Variants in MITF observed in about 807,000 individuals in gnomAD.
MITF encodes melanocyte inducing transcription factor.
Under a neutral mutation model 60.5 loss-of-function variants are expected in MITF, and 17 were observed. The observed-to-expected ratio is 0.28, with a 90% confidence interval of 0.19 to 0.42. The LOEUF is 0.42. MITF is among the 10% of genes least tolerant of loss of function. The probability of loss-of-function intolerance (pLI) is 1.00; values close to 1 mark genes in which losing one functional copy is unlikely to be tolerated. For synonymous variants in MITF, 260 were observed against 248.5 expected (o/e 1.05, Z -0.43); for missense variants, 622 against 683.5 (o/e 0.91, Z 1.00).
chr3:69,739,840 C>T (rs1433456249), intron 1 of MITF, 139 bp downstream of exon 1: 13 of 665,468 alleles, frequency 2.0e-5, no homozygotes, highest in Non-Finnish European at 3.2e-5. Flanking sequence ...GGGCGAACTG[C>T]CCCTCGCAGT....
intron 2 of MITF, among the ~76,000 whole-genome samples, chr3:69,912,207 G>A (rs1421604799): frequency 6.6e-6 from 1 of 152,164 alleles, no homozygotes; most frequent in African/African-American, 2.4e-5. Flanking sequence ...GTGCTATCTT[G>A]CAAAAGCATA....
intron 2 of MITF, among the ~76,000 whole-genome samples, chr3:69,900,154 C>T (rs1009608491): frequency 6.6e-6 from 1 of 152,040 alleles, no homozygotes; most frequent in Non-Finnish European, 1.5e-5. Context: ...ATGGTGGGCC[C>T]TATTGGGAGT....
chr3:69,940,279 G>A (rs935948327), intron 4 of MITF, among the ~76,000 whole-genome samples: 1 of 152,122 alleles, frequency 6.6e-6, no homozygotes, highest in Non-Finnish European at 1.5e-5. Context: ...TAATGGAAGT[G>A]GCAAGAGACA....
intron 1 of MITF, among the ~76,000 whole-genome samples, chr3:69,842,068 T>A (rs1178357665): frequency 6.6e-6 from 1 of 152,226 alleles, no homozygotes; most frequent in African/African-American, 2.4e-5. Flanking sequence ...AAATATGAAG[T>A]GAGCGGTGTC....
At chr3:69,832,279 T>A (rs891486187) in intron 1 of MITF, among the ~76,000 whole-genome samples, 3 of 152,158 alleles carry the variant, frequency 2.0e-5, no homozygotes, top group Admixed American at 2.0e-4. Flanking sequence ...AACATCTTTC[T>A]CTATCTCAAG....
chr3:69,903,793 T>C (rs2065042260), intron 2 of MITF, among the ~76,000 whole-genome samples: 1 of 152,152 alleles, frequency 6.6e-6, no homozygotes, highest in Non-Finnish European at 1.5e-5. Flanking sequence ...GGTGGGTGTT[T>C]GGGCAGCAAG....
chr3:69,896,003 C>G (rs976231600), intron 2 of MITF, among the ~76,000 whole-genome samples: 2 of 152,022 alleles, frequency 1.3e-5, no homozygotes, highest in Non-Finnish European at 2.9e-5. Context: ...CTTTCCTCCC[C>G]CTCTCTTTCT....
At chr3:69,842,458 C>T (rs940639035) in intron 1 of MITF, among the ~76,000 whole-genome samples, 2 of 152,202 alleles carry the variant, frequency 1.3e-5, no homozygotes, top group African/African-American at 2.4e-5. Flanking sequence ...AGAAGAGTTG[C>T]AGCTGGTGAG....
At chr3:69,941,022 C>T (rs1363834855) in intron 4 of MITF, among the ~76,000 whole-genome samples, 4 of 152,164 alleles carry the variant, frequency 2.6e-5, no homozygotes, top group African/African-American at 9.7e-5. Flanking sequence ...TAAATGCTGG[C>T]TACAAGTATT....
chr3:69,741,654 C>A (rs943004755), intron 1 of MITF, among the ~76,000 whole-genome samples: 7 of 152,140 alleles, frequency 4.6e-5, no homozygotes, highest in Non-Finnish European at 1.0e-4. Context: ...GGGCCTGAAC[C>A]AGCAGGGAAA....
intron 1 of MITF, among the ~76,000 whole-genome samples, chr3:69,878,263 G>T (rs541571308): frequency 6.6e-6 from 1 of 152,292 alleles, no homozygotes; most frequent in East Asian, 1.9e-4. Flanking sequence ...TTAATAACTT[G>T]ATGTCATAGA....
chr3:69,814,979 C>T (rs1007740272), intron 1 of MITF, among the ~76,000 whole-genome samples: 15 of 152,222 alleles, frequency 9.9e-5, no homozygotes, highest in East Asian at 7.7e-4. Flanking sequence ...TGCCCTAAAT[C>T]GCACTGTAAG....
intron 1 of MITF, among the ~76,000 whole-genome samples, chr3:69,840,187 C>A (rs1212898098): frequency 6.6e-6 from 1 of 152,176 alleles, no homozygotes; most frequent in Non-Finnish European, 1.5e-5. Context: ...GGGTGGTCAT[C>A]TGTCCTCTGC....
intron 1 of MITF, among the ~76,000 whole-genome samples, chr3:69,741,424 A>G (rs1373056093): frequency 6.6e-6 from 1 of 152,202 alleles, no homozygotes; most frequent in East Asian, 1.9e-4. Flanking sequence ...GATACATAAC[A>G]TTAAATCAGT....
At chr3:69,757,380 A>T (rs2106789505) in intron 1 of MITF, among the ~76,000 whole-genome samples, 1 of 152,322 alleles carries the variant, frequency 6.6e-6, no homozygotes, top group African/African-American at 2.4e-5. Context: ...AAGAGGAAAA[A>T]TGAAATTCTC....
chr3:69,953,658 T>TAG (rs1250946181), intron 7 of MITF, among the ~76,000 whole-genome samples: 19 of 137,630 alleles, frequency 1.4e-4, no homozygotes, highest in South Asian at 2.7e-4. Context: ...TATATATATA[T>TAG]ATATAGAGAG....
At chr3:69,849,346 G>C (rs1222380379) in intron 1 of MITF, among the ~76,000 whole-genome samples, 1 of 152,146 alleles carries the variant, frequency 6.6e-6, no homozygotes, top group Non-Finnish European at 1.5e-5. Context: ...TTCAGTTACG[G>C]TGCTGTTTTA....
intron 1 of MITF, among the ~76,000 whole-genome samples, chr3:69,769,068 C>A (rs1467532852): frequency 6.6e-6 from 1 of 152,158 alleles, no homozygotes; most frequent in African/African-American, 2.4e-5. Flanking sequence ...ATTCTCTCTT[C>A]ACCTGTAAAA....
intron 1 of MITF, among the ~76,000 whole-genome samples, chr3:69,741,418 C>T (rs1278086364): frequency 6.6e-6 from 1 of 152,130 alleles, no homozygotes; most frequent in Non-Finnish European, 1.5e-5. Context: ...GTAGCTGATA[C>T]ATAACATTAA....
Sources: gnomAD v4.1 joint callset for allele counts (sites outside exome capture counted in the v4.1 genomes callset) on GRCh38, gnomAD v4.1.1 for gene constraint, MANE v1.5 for transcripts, NCBI Gene and HGNC (gene_info 2026-07-23, HGNC 2026-07-21) for gene names.